Variants in SCAF8 observed in about 807,000 individuals in gnomAD.
The protein encoded by SCAF8 is SR-related and CTD-associated factor 8.
In SCAF8, 23 loss-of-function variants were observed where a neutral mutation model predicts 140.5. The observed-to-expected ratio is 0.16, with a 90% CI of 0.12 to 0.23. The LOEUF is 0.23. Among genes scored for constraint, SCAF8 ranks in the 10% least tolerant of loss-of-function variants. The probability of loss-of-function intolerance (pLI) is 1.00; values close to 1 mark genes in which losing one functional copy is unlikely to be tolerated. For missense variants in SCAF8, 1,397 were observed against 1,555.7 expected (o/e 0.90, Z 1.72); for synonymous variants, 575 against 528.9 (o/e 1.09, Z -1.20).
At chr6:154,757,654 C>G (rs532985417) in intron 1 of SCAF8, among the ~76,000 whole-genome samples, 1 of 152,194 alleles carries the variant, frequency 6.6e-6, no homozygotes, top group East Asian at 1.9e-4. Flanking sequence ...TGAAGATTAT[C>G]AGTTAAAGTC....
At chr6:154,813,558 C>A (rs978482982) in intron 12 of SCAF8, among the ~76,000 whole-genome samples, 1 of 152,148 alleles carries the variant, frequency 6.6e-6, no homozygotes, top group Non-Finnish European at 1.5e-5. Flanking sequence ...GGATCTTTTC[C>A]ATGACAGAGC....
intron 3 of SCAF8, among the ~76,000 whole-genome samples, chr6:154,780,322 C>T (rs562504569): frequency 1.3e-5 from 2 of 151,092 alleles, no homozygotes; most frequent in Admixed American, 6.6e-5. Flanking sequence ...TGAGATCTAA[C>T]CAAGTTGTTG....
intron 6 of SCAF8, among the ~76,000 whole-genome samples, chr6:154,799,899 C>T (rs1373709294): frequency 1.3e-5 from 2 of 151,220 alleles, no homozygotes; most frequent in African/African-American, 4.8e-5. Flanking sequence ...ATTCTCTTGC[C>T]TCAGCCTCCT....
intron 3 of SCAF8, among the ~76,000 whole-genome samples, chr6:154,784,111 G>A (rs1168893156): frequency 1.7e-5 from 2 of 115,726 alleles, no homozygotes; most frequent in East Asian, 2.8e-4. Context: ...CTTATCTCTG[G>A]TGTCTTGAGA....
At chr6:154,734,556 A>G (rs534470701) in intron 1 of SCAF8, among the ~76,000 whole-genome samples, 3 of 152,320 alleles carry the variant, frequency 2.0e-5, no homozygotes, top group South Asian at 2.1e-4. Flanking sequence ...CCATCACGAC[A>G]TAAAGACAAA....
At chr6:154,753,044 G>A (rs1210357652) in intron 1 of SCAF8, among the ~76,000 whole-genome samples, 3 of 151,638 alleles carry the variant, frequency 2.0e-5, no homozygotes, top group African/African-American at 7.3e-5. Context: ...AAGGTATAAA[G>A]TGGGCCGGGC....
chr6:154,779,581 T>C (rs1412282770), intron 3 of SCAF8, among the ~76,000 whole-genome samples: 1 of 152,158 alleles, frequency 6.6e-6, no homozygotes, highest in African/African-American at 2.4e-5. Context: ...TAGGGTACTT[T>C]GAATAAAATG....
chr6:154,807,746 C>T (rs1351545907), intron 9 of SCAF8, among the ~76,000 whole-genome samples: 1 of 152,196 alleles, frequency 6.6e-6, no homozygotes, highest in African/African-American at 2.4e-5. Context: ...ATTTAACTGA[C>T]TGCCATTATG....
chr6:154,830,426 T>A (rs2114696199), intron 18 of SCAF8, among the ~76,000 whole-genome samples: 1 of 152,302 alleles, frequency 6.6e-6, no homozygotes, highest in African/African-American at 2.4e-5. Flanking sequence ...AGATGGAAAG[T>A]TTATAGCTTC....
chr6:154,757,708 T>C (rs953074354), intron 1 of SCAF8, among the ~76,000 whole-genome samples: 4 of 152,190 alleles, frequency 2.6e-5, no homozygotes, highest in African/African-American at 9.7e-5. Flanking sequence ...ATAGGAGGGA[T>C]AGATGGAAAG....
In SCAF8 at chr6:154,820,107, T is replaced by G. The variant is rs1778369391; in HGVS notation, c.1636-70T>G. ...TGTTTACATTGTTTAAATAAAATTTTGAACTTTTTACCTTGTTTTTATAGT... is the reference window on the plus strand; with the variant it reads ...TGTTTACATTGTTTAAATAAAATTTGGAACTTTTTACCTTGTTTTTATAGT... On this transcript the variant is annotated intron_variant, in intron 14 of 19. Coordinates refer to ENST00000367178, the MANE Select transcript of SCAF8 (RefSeq NM_014892.5). 2.4e-6 allele frequency: 3 copies of G among 1,245,434 alleles called. No individual in the cohort carries two copies. The East Asian group carries it at 8.1e-5, about 34-fold the overall frequency. 77.1% of individuals were successfully genotyped at this position (1,245,434 alleles called of 1,614,324 possible). A position where few individuals can be genotyped will look rare whatever the true frequency, so the allele number is the denominator to read the frequency against.
chr6:154,812,351 G>A (rs1197201392), intron 12 of SCAF8, among the ~76,000 whole-genome samples: 1 of 28,222 alleles, frequency 3.5e-5, no homozygotes. Context: ...GTACATTTTT[G>A]TTTTTAGACA....
chr6:154,795,541 C>G (rs577815703), intron 6 of SCAF8, among the ~76,000 whole-genome samples: 1 of 151,990 alleles, frequency 6.6e-6, no homozygotes, highest in Non-Finnish European at 1.5e-5. Context: ...TCTATAGTGA[C>G]TAGATTTGGG....
rs1310504902 is a variant in SCAF8 at position 154,832,874 on chromosome 6, T to A, written c.3295T>A (p.Phe1099Ile). ...GAAGCCCTGGGGGCATAGAGGAGAT[T>A]TTGATGAGAGAGAGCATCGGGTTCT... ...PEKPWGHRGD[F>I]DEREHRVLPV... Residue 1099 changes from phenylalanine (F) to isoleucine (I), a missense_variant, in exon 20 of 20, where the codon TTT becomes ATT. By Grantham distance (21) the Phe-to-Ile change is conservative. Transcript: ENST00000367178. 2 of 1,613,938 alleles carry A rather than the reference T, an allele frequency of 1.2e-6. No homozygotes were observed. Among genetic ancestry groups the A allele is most frequent in the African/African-American group, 2.7e-5 (2 of 74,892 alleles).
At chr6:154,783,767 A>G (rs1038225114) in intron 3 of SCAF8, among the ~76,000 whole-genome samples, 1 of 152,294 alleles carries the variant, frequency 6.6e-6, no homozygotes, top group East Asian at 1.9e-4. Context: ...GATTGAGTCC[A>G]CATTGAAAGA....
rs548917529 is a variant in SCAF8 at position 154,788,625 on chromosome 6, T to C, written c.321+603T>C. On this transcript the variant is annotated intron_variant, in intron 4 of 19. Coordinates refer to ENST00000367178, the MANE Select transcript of SCAF8 (RefSeq NM_014892.5). ...AGCTTTTGGAATTACATGAAACTTA[T>C]TCACACACACAGTCAATTCAGAATT... Among the ~76,000 whole-genome samples, 15 of 152,364 alleles carry C rather than the reference T, an allele frequency of 9.8e-5. No individual in the cohort carries two copies. The South Asian group carries it at 1.5e-3, about 15-fold the overall frequency.
chr6:154,816,117 A>G (rs960204939), intron 13 of SCAF8, among the ~76,000 whole-genome samples: 1 of 152,088 alleles, frequency 6.6e-6, no homozygotes, highest in Non-Finnish European at 1.5e-5. Flanking sequence ...GGTCTGGTTT[A>G]ATTCCTTTTT....
chr6:154,786,045 A>G (rs923759188), intron 3 of SCAF8, among the ~76,000 whole-genome samples: 79 of 152,242 alleles, frequency 5.2e-4, no homozygotes, highest in Non-Finnish European at 8.4e-4. Flanking sequence ...CAATTTATCA[A>G]GACAGGAGAA....
intron 1 of SCAF8, among the ~76,000 whole-genome samples, chr6:154,742,308 GAGAT>G (rs772391194): frequency 4.9e-4 from 75 of 152,270 alleles, no homozygotes; most frequent in Non-Finnish European, 7.1e-4. Flanking sequence ...TTTTACAAAA[GAGAT>G]AGAACTATTT....
Sources: gnomAD v4.1 joint callset for allele counts (sites outside exome capture counted in the v4.1 genomes callset) on GRCh38, gnomAD v4.1.1 for gene constraint, MANE v1.5 for transcripts, NCBI Gene and HGNC (gene_info 2026-07-23, HGNC 2026-07-21) for gene names.